The following MYO15A variants were observed in gnomAD, a reference collection of about 807,000 sequenced individuals.
MYO15A encodes the protein myosin XVA.
In MYO15A, 308 loss-of-function variants were observed where a neutral mutation model predicts 394.6. The ratio of observed to expected loss-of-function variants is 0.78; its 90% CI spans 0.71 to 0.86. The LOEUF (loss-of-function observed/expected upper bound fraction) is 0.86, where lower values mean the gene tolerates loss of function less well. MYO15A is among the 40% of genes least tolerant of loss of function. The probability of loss-of-function intolerance (pLI) is 0.00; values close to 1 mark genes in which losing one functional copy is unlikely to be tolerated. For missense variants in MYO15A, 4,606 were observed against 4,799.1 expected (o/e 0.96, Z 1.19); for synonymous variants, 1,957 against 2,003.8 (o/e 0.98, Z 0.62).
rs373645792 is a variant in MYO15A at position 18,141,036 on chromosome 17, G to A, written c.5424G>A (p.Glu1808=). Residue 1808 remains glutamate, a synonymous_variant, in exon 22 of 66, where the codon GAG becomes GAA. Transcript: ENST00000647165. ...CCCTACAGGAGCCAGGTCTCTTTGA[G>A]CCAGATGTGGTAATGGCACAATTAC... ...PNHKKEPGLF[E]PDVVMAQLRY... 3.2e-5 allele frequency: 52 copies of A among 1,613,876 alleles called. 1 individual carries two copies. The highest frequency in any genetic ancestry group is 9.3e-5 in the African/African-American group (7 of 74,940).
Position 18,121,966 on chromosome 17 carries a change from A to G in MYO15A, c.3166A>G (p.Thr1056Ala). 6.2e-7 allele frequency: 1 copy of G among 1,612,576 alleles called. No individual in the cohort carries two copies. Among genetic ancestry groups the G allele is most frequent in the Non-Finnish European group, 8.5e-7 (1 of 1,179,948 alleles). Residue 1056 changes from threonine (T) to alanine (A), a missense_variant, in exon 2 of 66, where the codon ACA becomes GCA. Thr to Ala is a moderately conservative substitution (Grantham distance 58). Coordinates refer to ENST00000647165, the MANE Select transcript of MYO15A (RefSeq NM_016239.4). This position sits in a 1 kb window ranked among gnomAD's most constrained non-coding sequence, Gnocchi z 5.3. Reference sequence around the variant, plus strand: ...CAAGGATGTCCTCCCAGAGCAAAAGACATTAAGGCCCAGCCTCTCATACCC... The same window carrying G: ...CAAGGATGTCCTCCCAGAGCAAAAGGCATTAAGGCCCAGCCTCTCATACCC... Reference protein sequence around the residue: ...PPKDVLPEQKTLRPSLSYPLA... With the variant: ...PPKDVLPEQKALRPSLSYPLA...
chr17:18,126,208 C>T (rs1415135547), intron 4 of MYO15A, 139 bp from the exon 5 acceptor site: 1 of 733,610 alleles, frequency 1.4e-6, no homozygotes, highest in Non-Finnish European at 2.4e-6. Context: ...TGGTAGAGGG[C>T]TCTAGATGGG....
In MYO15A at chr17:18,118,744, C is replaced by T. The variant is rs544950653; in HGVS notation, c.-57C>T. 1.8e-4 allele frequency: 283 copies of T among 1,606,086 alleles called. 2 individuals are homozygous for T. In the African/African-American group the frequency reaches 3.2e-3, roughly 18 times the overall value. On this transcript the variant is annotated 5_prime_UTR_variant, in exon 2 of 66. Coordinates refer to ENST00000647165, the MANE Select transcript of MYO15A (RefSeq NM_016239.4). Reference sequence around the variant, plus strand: ...AGAGACAGAGCAGGTCCCTGTGTCTCCAAGTCCCTGAGCCCGTGACACCGG... The same window carrying T: ...AGAGACAGAGCAGGTCCCTGTGTCTTCAAGTCCCTGAGCCCGTGACACCGG...
At chr17:18,164,540 A>G (rs745559733) in intron 60 of MYO15A, 1 of 154,064 alleles carries the variant, frequency 6.5e-6, no homozygotes, top group Non-Finnish European at 1.4e-5. Flanking sequence ...TGCCCCAGGT[A>G]TAATTCAAAG....
At chr17:18,124,828 T>C (rs2046003309) in intron 3 of MYO15A, 2 of 586,404 alleles carry the variant, frequency 3.4e-6, no homozygotes, top group Non-Finnish European at 6.1e-6. Flanking sequence ...ATCCACAAAA[T>C]GGGAGTGGGA....
At position 18,138,826 on chromosome 17, in the gene MYO15A, T is replaced by C. The variant is rs758132995; in HGVS notation, c.5023T>C (p.Phe1675Leu). ...CCFPQATDHT[F>L]LQKCHYHHGA... ...TTGCCCCCAGGCTACAGACCACACC[T>C]TCCTACAGAAGTGCCACTACCATCA... The change falls in exon 18 of 66, where the codon TTC becomes CTC. Residue 1675 changes from phenylalanine (F) to leucine (L), a missense_variant. Phe to Leu is a conservative substitution (Grantham distance 22, BLOSUM62 0). Around this residue, in one of 2 missense-constraint regions of MYO15A, gnomAD observed 2,776 missense variants for 3,109.3 expected, o/e 0.89. Transcript: ENST00000647165. 2 of 1,613,858 alleles carry C rather than the reference T, an allele frequency of 1.2e-6. No homozygotes were observed. Among genetic ancestry groups the C allele is most frequent in the East Asian group, 4.5e-5 (2 of 44,880 alleles).
Position 18,162,626 on chromosome 17 carries a change from C to T in MYO15A, c.9559C>T (p.Arg3187Cys), listed in dbSNP as rs552519310. ...CGAGCAGAACCTGCAGAAAACCTTG[C>T]GCTTCGGAGGTCGTCTGGAGCTCCC... is the stretch of plus-strand genomic sequence containing the variant. ...ACEQNLQKTL[R>C]FGGRLELPSS... is the part of the protein sequence containing the mutation. Residue 3187 changes from arginine (R) to cysteine (C), a missense_variant, in exon 58 of 66, where the codon CGC becomes TGC. Transcript: ENST00000647165. The T allele has an allele frequency of 8.7e-6, 14 of 1,614,026 alleles. No homozygotes were observed. In the East Asian group the frequency reaches 8.9e-5, roughly 10 times the overall value.
rs958858326 is a variant in MYO15A at position 18,150,366 on chromosome 17, G to A, written c.7213-63G>A. On this transcript the variant is annotated intron_variant, in intron 35 of 65. Transcript: ENST00000647165. This position sits in a 1 kb window ranked among gnomAD's most constrained non-coding sequence, Gnocchi z 4.4. ...GGGAAGAGGCCAGTGTCAGGTGCCT[G>A]TTGCCATGGAACCTTGGGAGTACAA... 8 of 1,483,992 alleles carry A rather than the reference G, an allele frequency of 5.4e-6. No homozygotes were observed. In the South Asian group the frequency reaches 8.0e-5, roughly 15 times the overall value. 91.9% of individuals were successfully genotyped at this position (1,483,992 alleles called of 1,614,324 possible). A position where few individuals can be genotyped will look rare whatever the true frequency, so the allele number is the denominator to read the frequency against.
intron 7 of MYO15A, among the ~76,000 whole-genome samples, chr17:18,127,844 T>TATATATATATATATATATATATATAC (rs2046080602): frequency 6.8e-6 from 1 of 146,964 alleles, no homozygotes; most frequent in Non-Finnish European, 1.5e-5. Flanking sequence ...GATATATATA[T>TATATATATATATATATATATATATAC]ATATATATAT....
At chr17:18,163,173 G>C in intron 58 of MYO15A, 71 bp from the exon 59 acceptor site, 1 of 1,523,262 alleles carries the variant, frequency 6.6e-7, no homozygotes, top group Non-Finnish European at 9.1e-7. Context: ...GGAACTCCCA[G>C]GGCAGGAGAC....
At position 18,121,308 on chromosome 17, in the gene MYO15A, C is replaced by T. The variant is rs1471757839; in HGVS notation, c.2508C>T (p.Pro836=). ...GAGCCGCTGGGCGCCTGGGCCCACC[C>T]GGCTCGCCGCTGCCGGGCTCACCCA... The part of the protein sequence containing the change: ...PRRAAGRLGP[P]GSPLPGSPRP... The change falls in exon 2 of 66, where the codon CCC becomes CCT. Residue 836 remains proline (P), a synonymous_variant. Coordinates refer to ENST00000647165, the MANE Select transcript of MYO15A (RefSeq NM_016239.4). This position sits in a 1 kb window ranked among gnomAD's most constrained non-coding sequence, Gnocchi z 5.3. 13 of 1,327,860 alleles carry T rather than the reference C, an allele frequency of 9.8e-6. No individual in the cohort carries two copies. Among genetic ancestry groups the T allele is most frequent in the South Asian group, 3.6e-5 (2 of 55,522 alleles). The allele number at this position is 1,327,860 out of a possible 1,614,324, so 82.3% of individuals were successfully genotyped here. A position where few individuals can be genotyped will look rare whatever the true frequency, so the allele number is the denominator to read the frequency against.
At chr17:18,141,174 A>G (rs746596543) in intron 22 of MYO15A, 31 bp downstream of exon 22, 29 of 1,612,100 alleles carry the variant, frequency 1.8e-5, no homozygotes, top group Non-Finnish European at 8.5e-7. Context: ...CCTGAGCTCT[A>G]CAAATCCCTG....
intron 45 of MYO15A, 60 bp from the exon 46 acceptor site, chr17:18,155,050 C>G: frequency 6.6e-7 from 1 of 1,510,892 alleles, no homozygotes; most frequent in Non-Finnish European, 9.1e-7. Context: ...CTGACATCCC[C>G]GAGATGGGGG....
At chr17:18,144,424 G>A in intron 28 of MYO15A, 73 bp from the exon 29 acceptor site, 6 of 1,355,362 alleles carry the variant, frequency 4.4e-6, no homozygotes, top group Non-Finnish European at 6.3e-6. Context: ...AGCCCCATGT[G>A]GCACAGAGCA....
Position 18,118,829 on chromosome 17 carries a change from A to C in MYO15A, c.29A>C (p.Lys10Thr), listed in dbSNP as rs1207229062. Residue 10 changes from lysine (K) to threonine (T), a missense_variant, in exon 2 of 66, where the codon AAA becomes ACA. Lys to Thr is a moderately conservative substitution (Grantham distance 78). Coordinates refer to ENST00000647165, the MANE Select transcript of MYO15A (RefSeq NM_016239.4). ...GCGAAGGAGGAAGATGAGGAGAAGA[A>C]AGCCAAGAAAGGGAAGAAGGGGAAG... MAKEEDEEK[K>T]AKKGKKGKKA... 1 of 1,610,312 alleles carries C rather than the reference A, an allele frequency of 6.2e-7. No homozygotes were observed. The highest frequency in any genetic ancestry group is 8.5e-7 in the Non-Finnish European group (1 of 1,178,272).
In MYO15A at chr17:18,147,996, T is replaced by G; in HGVS notation, c.6510-33T>G. ...TCAGCCCCAAGCTAGCTTCAGATCC[T>G]TCTTGATCCTGGCTCCAACTCCTAC... On this transcript the variant is annotated intron_variant, in intron 30 of 65. Coordinates refer to ENST00000647165, the MANE Select transcript of MYO15A (RefSeq NM_016239.4). The surrounding 1 kb of genome is among the most constrained non-coding windows in gnomAD (Gnocchi z 4.4). 4 of 1,613,726 alleles carry G rather than the reference T, an allele frequency of 2.5e-6. No individual in the cohort carries two copies. Among genetic ancestry groups the G allele is most frequent in the Non-Finnish European group, 3.4e-6 (4 of 1,179,834 alleles).
Position 18,140,566 on chromosome 17 carries a change from G to C in MYO15A, c.5261G>C (p.Arg1754Pro), listed in dbSNP as rs544020493. 6.2e-7 allele frequency: 1 copy of C among 1,613,678 alleles called. No homozygotes were observed. The highest frequency in any genetic ancestry group is 1.1e-5 in the South Asian group (1 of 91,088). ...CATGCCCCACAGGCTGCCCCTCAGC[G>C]CCTGGGCAAGAGCAGCTCCGTCACT... ...SSHAPQAAPQ[R>P]LGKSSSVTRL... The change falls in exon 20 of 66, where the codon CGC (arginine) becomes CCC (proline). Residue 1754 changes from arginine to proline, a missense_variant. By Grantham distance (103) the Arg-to-Pro change is moderately radical. Coordinates refer to ENST00000647165, the MANE Select transcript of MYO15A (RefSeq NM_016239.4).
chr17:18,128,651 A>T (rs944656273), intron 7 of MYO15A, among the ~76,000 whole-genome samples: 20 of 152,144 alleles, frequency 1.3e-4, no homozygotes, highest in Non-Finnish European at 1.5e-5. Flanking sequence ...AAGTAAGTGT[A>T]CCTCGTGCAC....
chr17:18,173,625 T>G lies in MYO15A; in HGVS notation c.10351-156T>G. The G allele has an allele frequency of 3.2e-6, 3 of 928,984 alleles. No individual in the cohort carries two copies. In the Admixed American group the frequency reaches 5.8e-5, roughly 18 times the overall value. The allele number at this position is 928,984 out of a possible 1,614,324, so 57.5% of individuals were successfully genotyped here. On this transcript the variant is annotated intron_variant, in intron 64 of 65. Coordinates refer to ENST00000647165, the MANE Select transcript of MYO15A (RefSeq NM_016239.4). ...GAAACTGAGGTCCAGAGAGGTAAAG[T>G]GATTTGCTCAAGGTCACGCAAGTCA... is the stretch of plus-strand genomic sequence containing the variant.
Sources: gnomAD v4.1 joint callset for allele counts (sites outside exome capture counted in the v4.1 genomes callset) on GRCh38, gnomAD v4.1.1 for gene constraint, gnomAD v4.1.1 regional missense constraint, Gnocchi (gnomAD v3.1) non-coding constraint, MANE v1.5 for transcripts, NCBI Gene and HGNC (gene_info 2026-07-23, HGNC 2026-07-21) for gene names.